Variants in POTEJ observed in about 807,000 individuals in gnomAD.
POTEJ encodes the protein POTE ankyrin domain family member J.
POTEJ carries 11 observed loss-of-function variants against 69.0 expected under a neutral mutation model. The ratio of observed to expected loss-of-function variants is 0.16; its 90% CI spans 0.10 to 0.26. The LOEUF (loss-of-function observed/expected upper bound fraction) is 0.26, where lower values mean the gene tolerates loss of function less well. Among genes scored for constraint, POTEJ ranks in the 10% least tolerant of loss-of-function variants. POTEJ has a pLI of 1.00. For synonymous variants in POTEJ, 117 were observed against 381.1 expected, an observed-to-expected ratio of 0.31 and a Z score of 8.07; for missense variants, 327 against 1,045.5, an observed-to-expected ratio of 0.31 and a Z score of 9.48.
chr2:130,630,974 C>A (rs1400665429), intron 7 of POTEJ, among the ~76,000 whole-genome samples: 1 of 134,906 alleles, frequency 7.4e-6, no homozygotes, highest in Non-Finnish European at 1.6e-5. Flanking sequence ...CACTTCAGTG[C>A]ACTGTAGGGG....
chr2:130,635,164 A>ACTTTTT (rs1370204440), intron 9 of POTEJ, among the ~76,000 whole-genome samples: 1 of 131,042 alleles, frequency 7.6e-6, no homozygotes, highest in African/African-American at 3.0e-5. Flanking sequence ...CTTTCTCCTG[A>ACTTTTT]CTTTTTCTTT....
chr2:130,623,998 G>C lies in POTEJ; in HGVS notation c.945-66G>C. 2 of 1,469,708 alleles carry C rather than the reference G, an allele frequency of 1.4e-6. 1 individual carries two copies. Among genetic ancestry groups the C allele is most frequent in the Non-Finnish European group, 1.8e-6 (2 of 1,085,822 alleles). 91.0% of individuals were successfully genotyped at this position (1,469,708 alleles called of 1,614,324 possible). ...TGTTTGAAATACTCTTAATAATTCT[G>C]CATTTGGTAAGATTTTTATATCAGT... On this transcript the variant is annotated intron_variant, in intron 5 of 14. Transcript: ENST00000409602.
At chr2:130,655,478 G>T (rs1251746575) in intron 14 of POTEJ, among the ~76,000 whole-genome samples, 2 of 152,260 alleles carry the variant, frequency 1.3e-5, no homozygotes, top group Non-Finnish European at 2.9e-5. Flanking sequence ...CCTTACTTTT[G>T]CAGAGAGGAA....
At chr2:130,615,660 G>T (rs1166184753) in intron 1 of POTEJ, among the ~76,000 whole-genome samples, 1 of 144,914 alleles carries the variant, frequency 6.9e-6, no homozygotes, top group African/African-American at 2.7e-5. Flanking sequence ...CGGGTACTGG[G>T]CTTAACACCT....
chr2:130,629,241 G>A (rs1292175484), intron 6 of POTEJ, among the ~76,000 whole-genome samples: 9 of 147,922 alleles, frequency 6.1e-5, no homozygotes, highest in South Asian at 2.1e-4. Flanking sequence ...ATTTGCATCC[G>A]AAAGCTGAGC....
At chr2:130,624,564 A>G (rs1177197581) in intron 6 of POTEJ, among the ~76,000 whole-genome samples, 10 of 152,078 alleles carry the variant, frequency 6.6e-5, no homozygotes, top group African/African-American at 2.4e-4. Context: ...TATGAGCCAT[A>G]GGGAGTGGCT....
rs1359690055 is a variant in POTEJ, at chr2:130,656,855, G to A, written c.2095G>A (p.Gly699Arg). 5 of 1,586,072 alleles carry A rather than the reference G, an allele frequency of 3.2e-6. 1 individual carries two copies. Among genetic ancestry groups the A allele is most frequent in the Admixed American group, 3.4e-5 (2 of 59,398 alleles). The stretch of plus-strand genomic sequence containing the variant: ...CCGGGCTGTCTTCCCTTCCATCGTG[G>A]GGTGCCCCAGGCAGCAGGGCATGAT... ...APRAVFPSIV[G>R]CPRQQGMMGG... is the part of the protein sequence containing the mutation. The change falls in exon 15 of 15, where the codon GGG (glycine) becomes AGG (arginine). Residue 699 changes from glycine to arginine, a missense_variant. Gly to Arg is a moderately radical substitution (Grantham distance 125). Coordinates refer to ENST00000409602, the MANE Select transcript of POTEJ (RefSeq NM_001277083.2).
In POTEJ at chr2:130,632,886, T is replaced by A. The variant is rs1428632696; in HGVS notation, c.1298+230T>A. Among the ~76,000 whole-genome samples the A allele has an allele frequency of 2.1e-5, 3 of 146,140 alleles. No individual in the cohort carries two copies. The East Asian group carries it at 5.8e-4, about 28-fold the overall frequency. ...ATGTGAGGGAAAAGGCATTTTCTTT[T>A]CTTTTTAGTGAACTTTTCTTTTAGT... On this transcript the variant is annotated intron_variant, in intron 9 of 14. Coordinates refer to ENST00000409602, the MANE Select transcript of POTEJ (RefSeq NM_001277083.2).
chr2:130,646,919 T>G (rs1282896730), intron 13 of POTEJ, among the ~76,000 whole-genome samples: 1 of 148,308 alleles, frequency 6.7e-6, no homozygotes, highest in Non-Finnish European at 1.5e-5. Flanking sequence ...AAATACATTT[T>G]GAACATTAAT....
At chr2:130,624,202 T>C in intron 6 of POTEJ, 68 bp downstream of exon 6, 1 of 1,043,044 alleles carries the variant, frequency 9.6e-7, no homozygotes, top group Non-Finnish European at 1.3e-6. Flanking sequence ...GGGACCGGTT[T>C]TGTGGAAGAC....
intron 14 of POTEJ, among the ~76,000 whole-genome samples, chr2:130,655,604 T>A (rs2105266715): frequency 6.6e-6 from 1 of 152,308 alleles, no homozygotes; most frequent in South Asian, 2.1e-4. Flanking sequence ...GGAGAAATAG[T>A]TCAGTATATT....
chr2:130,637,015 C>G (rs930223444), intron 9 of POTEJ, among the ~76,000 whole-genome samples: 3 of 145,668 alleles, frequency 2.1e-5, no homozygotes, highest in African/African-American at 7.5e-5. Flanking sequence ...GGAGGCGGAG[C>G]TTGCAGTGAG....
At chr2:130,634,947 C>G in intron 9 of POTEJ, among the ~76,000 whole-genome samples, 1 of 152,198 alleles carries the variant, frequency 6.6e-6, no homozygotes, top group East Asian at 1.9e-4. Flanking sequence ...TTTTCTTACA[C>G]CTCATTTTAT....
chr2:130,643,566 G>C lies in POTEJ; in HGVS notation c.1370-417G>C, dbSNP rs1160687266. ...AAAATAAATTTGTCAGAATAGTGGA[G>C]GGAAACATTTTAGATATTAGGAAGA... On this transcript the variant is annotated intron_variant, in intron 10 of 14. Transcript: ENST00000409602. Among the ~76,000 whole-genome samples the C allele has an allele frequency of 1.4e-5, 2 of 144,790 alleles. 1 individual carries two copies. The highest frequency in any genetic ancestry group is 3.1e-5 in the Non-Finnish European group (2 of 64,764). The allele number at this position is 144,790 out of a possible 152,430, so 95.0% of individuals were successfully genotyped here.
In POTEJ at chr2:130,640,491, T is replaced by C. The variant is rs1313698738; in HGVS notation, c.1369+1802T>C. On this transcript the variant is annotated intron_variant, in intron 10 of 14. Transcript: ENST00000409602. ...AAACAGTAGGAACCAGAGTTGTTTT[T>C]TTATTCATTGATATCCTAGGATCCC... is the stretch of plus-strand genomic sequence containing the variant. Among the ~76,000 whole-genome samples the C allele has an allele frequency of 7.7e-4, 117 of 151,736 alleles. 2 individuals are homozygous for C. Among genetic ancestry groups the C allele is most frequent in the African/African-American group, 2.8e-3 (115 of 41,218 alleles).
At position 130,626,564 on chromosome 2, in the gene POTEJ, C is replaced by A. The variant is rs199790163; in HGVS notation, c.1015+2430C>A. 1.5e-4 allele frequency among the ~76,000 whole-genome samples: 23 copies of A among 152,144 alleles called. No homozygotes were observed. In the East Asian group the frequency reaches 4.2e-3, roughly 28 times the overall value. On this transcript the variant is annotated intron_variant, in intron 6 of 14. Coordinates refer to ENST00000409602, the MANE Select transcript of POTEJ (RefSeq NM_001277083.2). ...CCATGATTATATGTAAGCAAACAGG[C>A]ATGACTGAGCTCCTATAAAACTTTA...
At chr2:130,628,418 GT>G (rs1685785726) in intron 6 of POTEJ, among the ~76,000 whole-genome samples, 1 of 73,138 alleles carries the variant, frequency 1.4e-5, no homozygotes, top group Non-Finnish European at 2.5e-5. Flanking sequence ...GCTTGGGCAT[GT>G]TTTCTAGAAA....
intron 11 of POTEJ, among the ~76,000 whole-genome samples, chr2:130,644,547 C>A (rs1167055416): frequency 2.6e-5 from 4 of 152,236 alleles, no homozygotes; most frequent in Non-Finnish European, 4.4e-5. Flanking sequence ...ACAGAAGAAT[C>A]AATAGATTCT....
chr2:130,657,426 A>G lies in POTEJ; in HGVS notation c.2666A>G (p.Glu889Gly). 6.2e-7 allele frequency: 1 copy of G among 1,600,602 alleles called. No individual in the cohort carries two copies. The highest frequency in any genetic ancestry group is 1.1e-5 in the South Asian group (1 of 90,972). Residue 889 changes from glutamate to glycine, a missense_variant, in exon 15 of 15, where the codon GAG (glutamate) becomes GGG (glycine). Coordinates refer to ENST00000409602, the MANE Select transcript of POTEJ (RefSeq NM_001277083.2). Reference protein sequence around the residue: ...LCYVALDFEQEMAMVASSSSL... With the variant: ...LCYVALDFEQGMAMVASSSSL... Reference sequence around the variant, plus strand: ...TATGTTGCCCTGGACTTCGAGCAGGAGATGGCCATGGTGGCCTCCAGCTCC... The same window carrying G: ...TATGTTGCCCTGGACTTCGAGCAGGGGATGGCCATGGTGGCCTCCAGCTCC...
Sources: allele counts gnomAD v4.1 joint callset (sites outside exome capture counted in the v4.1 genomes callset), GRCh38; gene constraint gnomAD v4.1.1; transcripts MANE v1.5; gene names NCBI Gene and HGNC (gene_info 2026-07-23, HGNC 2026-07-21).